The following PCCA variants were observed in gnomAD, a reference collection of about 807,000 sequenced individuals.
The protein encoded by PCCA is propionyl-CoA carboxylase alpha chain, mitochondrial.
In PCCA, 74 loss-of-function variants were observed where a neutral mutation model predicts 101.3. The observed-to-expected ratio is 0.73, with a 90% CI of 0.61 to 0.89. PCCA has a LOEUF of 0.89. Among genes scored for constraint, PCCA ranks in the 40% least tolerant of loss-of-function variants. The pLI is 0.00. For missense variants in PCCA, 891 were observed against 907.0 expected, an observed-to-expected ratio of 0.98 and a Z score of 0.23; for synonymous variants, 294 against 313.6, an observed-to-expected ratio of 0.94 and a Z score of 0.66.
chr13:100,091,310 A>G (rs983735918), intron 1 of PCCA, among the ~76,000 whole-genome samples: 6 of 152,248 alleles, frequency 3.9e-5, no homozygotes, highest in Non-Finnish European at 8.8e-5. Flanking sequence ...TGTGTAATAC[A>G]TACGCTTTGA....
intron 12 of PCCA, among the ~76,000 whole-genome samples, chr13:100,285,781 T>C (rs2152641064): frequency 6.6e-6 from 1 of 152,290 alleles, no homozygotes; most frequent in East Asian, 1.9e-4. Context: ...CCCGAGATGA[T>C]CTCGTAGAAG....
intron 18 of PCCA, among the ~76,000 whole-genome samples, chr13:100,365,393 TCCC>T (rs2075065713): frequency 3.3e-5 from 5 of 152,158 alleles, no homozygotes; most frequent in African/African-American, 1.2e-4. Context: ...ATCTATAAGG[TCCC>T]TTTCTGTGGG....
intron 4 of PCCA, among the ~76,000 whole-genome samples, chr13:100,126,506 A>G (rs145831274): frequency 6.6e-5 from 10 of 151,932 alleles, no homozygotes; most frequent in African/African-American, 2.4e-4. Flanking sequence ...AATCTTTTCC[A>G]CCATCAAAAT....
intron 19 of PCCA, among the ~76,000 whole-genome samples, chr13:100,380,022 A>G (rs1384979898): frequency 6.6e-6 from 1 of 151,558 alleles, no homozygotes. Context: ...AGAATAGCCA[A>G]AGTAATCTAA....
At chr13:100,426,444 G>C (rs1032348588) in intron 20 of PCCA, among the ~76,000 whole-genome samples, 4 of 151,508 alleles carry the variant, frequency 2.6e-5, no homozygotes, top group Non-Finnish European at 5.9e-5. Context: ...CTCATTCTTT[G>C]TTCTTTTTTA....
At chr13:100,504,542 T>C (rs1001010769) in intron 21 of PCCA, among the ~76,000 whole-genome samples, 15 of 152,264 alleles carry the variant, frequency 9.9e-5, no homozygotes, top group African/African-American at 3.6e-4. Flanking sequence ...GCCCAAGATT[T>C]CTGTCCATCT....
At chr13:100,103,868 T>A (rs2047510506) in intron 2 of PCCA, among the ~76,000 whole-genome samples, 1 of 152,114 alleles carries the variant, frequency 6.6e-6, no homozygotes, top group African/African-American at 2.4e-5. Context: ...ACTCCTGACC[T>A]CAGGTCATCC....
intron 4 of PCCA, among the ~76,000 whole-genome samples, chr13:100,140,194 TTGCTC>T (rs2051697278): frequency 6.6e-6 from 1 of 152,240 alleles, no homozygotes; most frequent in African/African-American, 2.4e-5. Context: ...TTTTATTACC[TTGCTC>T]TGCTGTTCAA....
Position 100,515,543 on chromosome 13 carries a change from C to T in PCCA, c.2016C>T (p.Ala672=), listed in dbSNP as rs773033856. ...LRSPMPGVVV[A]VSVKPGDAVA... ...CCCCGATGCCCGGAGTGGTGGTGGCCGTCTCTGTCAAGCCTGGAGACGCGG... is the reference window on the plus strand; with the variant it reads ...CCCCGATGCCCGGAGTGGTGGTGGCTGTCTCTGTCAAGCCTGGAGACGCGG... Residue 672 remains alanine (A), a synonymous_variant, in exon 22 of 24, where the codon GCC becomes GCT. Transcript: ENST00000376285. The T allele has an allele frequency of 1.6e-5, 26 of 1,613,900 alleles. No homozygotes were observed. In the South Asian group the frequency reaches 2.5e-4, roughly 16 times the overall value.
At chr13:100,496,277 GTTA>G (rs2085270506) in intron 21 of PCCA, among the ~76,000 whole-genome samples, 2 of 152,198 alleles carry the variant, frequency 1.3e-5, no homozygotes, top group Admixed American at 1.3e-4. Flanking sequence ...AAAAAGAAGT[GTTA>G]TTTTCTGGCC....
intron 8 of PCCA, among the ~76,000 whole-genome samples, chr13:100,255,758 AT>A (rs1310120106): frequency 5.3e-5 from 8 of 152,194 alleles, no homozygotes; most frequent in Non-Finnish European, 1.5e-5. Flanking sequence ...CATTCTTGCC[AT>A]TCTCATGCAG....
intron 6 of PCCA, among the ~76,000 whole-genome samples, chr13:100,197,965 T>G (rs932753180): frequency 2.0e-5 from 3 of 152,202 alleles, no homozygotes; most frequent in Non-Finnish European, 2.9e-5. Flanking sequence ...AATGGCCTTG[T>G]TGGAAACCAA....
chr13:100,105,833 A>G (rs2047716617), intron 2 of PCCA, among the ~76,000 whole-genome samples: 1 of 104,718 alleles, frequency 9.5e-6, no homozygotes, highest in Admixed American at 1.4e-4. Flanking sequence ...CTAAAGGGCA[A>G]GATCCTGTCT....
At chr13:100,303,979 G>A (rs893232682) in intron 14 of PCCA, among the ~76,000 whole-genome samples, 1 of 152,300 alleles carries the variant, frequency 6.6e-6, no homozygotes, top group Non-Finnish European at 1.5e-5. Flanking sequence ...AACAAAAGAA[G>A]TATTAAATAA....
chr13:100,262,960 A>G, intron 10 of PCCA, 129 bp downstream of exon 10: 1 of 608,262 alleles, frequency 1.6e-6, no homozygotes, highest in Non-Finnish European at 2.9e-6. Context: ...ACTTTCCGTT[A>G]AAGTGCTAGG....
Position 100,166,926 on chromosome 13 carries a change from T to C in PCCA, c.468+9586T>C, listed in dbSNP as rs192438842. On this transcript the variant is annotated intron_variant, in intron 6 of 23. Coordinates refer to ENST00000376285, the MANE Select transcript of PCCA (RefSeq NM_000282.4). ...TACCACCCTTTAAATTTAACTGTTA[T>C]ACTATGTAGTGATGTCTTATTGTGG... Among the ~76,000 whole-genome samples the C allele has an allele frequency of 1.7e-4, 26 of 152,360 alleles. No homozygotes were observed. In the East Asian group the frequency reaches 4.4e-3, roughly 26 times the overall value.
intron 2 of PCCA, among the ~76,000 whole-genome samples, chr13:100,103,688 T>C (rs1056697898): frequency 6.6e-6 from 1 of 151,960 alleles, no homozygotes; most frequent in African/African-American, 2.4e-5. Context: ...CAGGCTGGAG[T>C]ACAGTGGTGT....
intron 4 of PCCA, among the ~76,000 whole-genome samples, chr13:100,142,529 C>T (rs1254274668): frequency 1.3e-5 from 2 of 148,520 alleles, no homozygotes; most frequent in Admixed American, 1.3e-4. Context: ...GGCTGGCGTG[C>T]AGTGGCATGA....
At chr13:100,092,541 C>G (rs1181129677) in intron 1 of PCCA, among the ~76,000 whole-genome samples, 1 of 152,102 alleles carries the variant, frequency 6.6e-6, no homozygotes, top group Non-Finnish European at 1.5e-5. Flanking sequence ...TACGACCACA[C>G]CTGGCTATTT....
Sources: gnomAD v4.1 joint callset for allele counts (sites outside exome capture counted in the v4.1 genomes callset) on GRCh38, gnomAD v4.1.1 for gene constraint, MANE v1.5 for transcripts, NCBI Gene and HGNC (gene_info 2026-07-23, HGNC 2026-07-21) for gene names.